MYO16: variants seen among roughly 807,000 people sequenced by gnomAD.
The protein encoded by MYO16 is myosin XVI, also known as unconventional myosin-XVI.
A neutral mutation model predicts 205.3 loss-of-function variants in MYO16; 94 were observed. The ratio of observed to expected loss-of-function variants is 0.46; its 90% CI spans 0.39 to 0.54. The LOEUF (loss-of-function observed/expected upper bound fraction) is 0.54. Among genes scored for constraint, MYO16 ranks in the 20% least tolerant of loss-of-function variants. The probability of loss-of-function intolerance (pLI) is 0.00; values close to 1 mark genes in which losing one functional copy is unlikely to be tolerated. For missense variants in MYO16, 2,315 were observed against 2,387.5 expected, an observed-to-expected ratio of 0.97 and a Z score of 0.63; for synonymous variants, 988 against 954.0, an observed-to-expected ratio of 1.04 and a Z score of -0.66.
intron 2 of MYO16, among the ~76,000 whole-genome samples, chr13:108,681,828 CT>C (rs1446097006): frequency 6.6e-6 from 1 of 152,202 alleles, no homozygotes; most frequent in Non-Finnish European, 1.5e-5. Flanking sequence ...TTCAGAGACT[CT>C]TTATCCGTAT....
chr13:108,717,821 A>G (rs1398114908), intron 3 of MYO16, among the ~76,000 whole-genome samples: 1 of 152,128 alleles, frequency 6.6e-6, no homozygotes, highest in Non-Finnish European at 1.5e-5. Flanking sequence ...ACAGTGACTC[A>G]GGTTGGGGAA....
rs1215565523 is a variant in MYO16 at position 109,105,499 on chromosome 13, A to C, written c.3438+4612A>C. Among the ~76,000 whole-genome samples, 3 of 152,196 alleles carry C rather than the reference A, an allele frequency of 2.0e-5. No individual in the cohort carries two copies. The East Asian group carries it at 5.8e-4, about 29-fold the overall frequency. On this transcript the variant is annotated intron_variant, in intron 28 of 34. Coordinates refer to ENST00000457511, the MANE Select transcript of MYO16 (RefSeq NM_001198950.3). ...AAACAAACAAACAAAAAACTTTTTA[A>C]AATTTATTGTTTTGAAATGAAATAA...
intron 1 of MYO16, among the ~76,000 whole-genome samples, chr13:108,608,836 G>C (rs1366320091): frequency 6.6e-6 from 1 of 152,030 alleles, no homozygotes; most frequent in Non-Finnish European, 1.5e-5. Context: ...TAAAGACAGG[G>C]TTTCACCATG....
chr13:109,136,859 C>T (rs1433563237), intron 31 of MYO16, among the ~76,000 whole-genome samples: 1 of 152,162 alleles, frequency 6.6e-6, no homozygotes, highest in Non-Finnish European at 1.5e-5. Flanking sequence ...AGCAGCAGTC[C>T]ACTTCCAGGT....
chr13:109,197,728 T>C (rs1474915432), intron 34 of MYO16, among the ~76,000 whole-genome samples: 2 of 152,218 alleles, frequency 1.3e-5, no homozygotes, highest in Non-Finnish European at 2.9e-5. Context: ...TAATTAAATG[T>C]ATAGACATAC....
the MYO16 span, among the ~76,000 whole-genome samples, chr13:108,509,632 G>A: frequency 6.6e-6 from 1 of 152,124 alleles, no homozygotes; most frequent in Non-Finnish European, 1.5e-5. Context: ...TTGCTCTGAT[G>A]ACTTTATTTT....
the MYO16 span, among the ~76,000 whole-genome samples, chr13:108,571,641 G>C: frequency 6.6e-6 from 1 of 151,922 alleles, no homozygotes; most frequent in Non-Finnish European, 1.5e-5. Flanking sequence ...AGGTCTTGTG[G>C]GTTCTCTGGC....
At chr13:109,194,583 G>A (rs990314491) in intron 34 of MYO16, among the ~76,000 whole-genome samples, 3 of 152,088 alleles carry the variant, frequency 2.0e-5, no homozygotes, top group Non-Finnish European at 2.9e-5. Context: ...ATTTTAATTC[G>A]GACGTACAAA....
In MYO16 at chr13:109,055,117, A is replaced by G; in HGVS notation, c.3120A>G (p.Ser1040=). 1 of 1,584,406 alleles carries G rather than the reference A, an allele frequency of 6.3e-7. No individual in the cohort carries two copies. Among genetic ancestry groups the G allele is most frequent in the Non-Finnish European group, 8.6e-7 (1 of 1,167,540 alleles). Residue 1040 remains serine, a synonymous_variant, in exon 26 of 35, where the codon TCA becomes TCG. Coordinates refer to ENST00000457511, the MANE Select transcript of MYO16 (RefSeq NM_001198950.3). The surrounding 1 kb of genome is among the most constrained non-coding windows in gnomAD (Gnocchi z 5.0). ...LERGDPVTIA[S]QLRKSLMDII... Reference sequence around the variant, plus strand: ...GAGGAGATCCAGTCACCATAGCATCACAACTCAGGGTTAGTGACGTTTTCA... The same window carrying G: ...GAGGAGATCCAGTCACCATAGCATCGCAACTCAGGGTTAGTGACGTTTTCA...
intron 34 of MYO16, among the ~76,000 whole-genome samples, chr13:109,198,701 C>G (rs1282391805): frequency 1.3e-5 from 2 of 152,148 alleles, no homozygotes; most frequent in African/African-American, 4.8e-5. Flanking sequence ...ACTGTAACAG[C>G]TCATATTTAA....
At chr13:108,554,251 A>G in the MYO16 span, among the ~76,000 whole-genome samples, 1 of 152,136 alleles carries the variant, frequency 6.6e-6, no homozygotes, top group African/African-American at 2.4e-5. Context: ...AAAAAAGAAA[A>G]AAAAAAAGGC....
intron 1 of MYO16, among the ~76,000 whole-genome samples, chr13:108,632,219 T>A (rs1452346881): frequency 6.6e-6 from 1 of 152,192 alleles, no homozygotes; most frequent in African/African-American, 2.4e-5. Context: ...TGGGCTGATC[T>A]GCTGGCGAGG....
At chr13:108,827,561 A>G (rs1876344525) in intron 9 of MYO16, among the ~76,000 whole-genome samples, 1 of 152,134 alleles carries the variant, frequency 6.6e-6, no homozygotes, top group South Asian at 2.1e-4. Context: ...AGTTTTCCCC[A>G]TGTTGCCTGA....
At chr13:108,738,431 A>G (rs1195018630) in intron 4 of MYO16, among the ~76,000 whole-genome samples, 1 of 152,056 alleles carries the variant, frequency 6.6e-6, no homozygotes, top group Non-Finnish European at 1.5e-5. Context: ...TTCAGTTTCC[A>G]TGTAGTTGAG....
chr13:108,693,226 A>G (rs1194870223), intron 2 of MYO16, among the ~76,000 whole-genome samples: 4 of 152,210 alleles, frequency 2.6e-5, no homozygotes, highest in Non-Finnish European at 5.9e-5. Context: ...TTATGGTGGT[A>G]AAAGACACCT....
At chr13:108,924,158 C>T (rs1025773256) in intron 16 of MYO16, among the ~76,000 whole-genome samples, 1 of 152,184 alleles carries the variant, frequency 6.6e-6, no homozygotes, top group African/African-American at 2.4e-5. Context: ...GAGTAGGATA[C>T]TTGGCCCTAT....
intron 32 of MYO16, 91 bp from the exon 33 acceptor site, chr13:109,164,810 T>A: frequency 1.6e-6 from 1 of 608,114 alleles, no homozygotes; most frequent in Non-Finnish European, 2.5e-6. Flanking sequence ...AATGTTTGAT[T>A]TGATGTTTTA....
chr13:108,543,487 A>G, the MYO16 span, among the ~76,000 whole-genome samples: 1 of 151,036 alleles, frequency 6.6e-6, no homozygotes, highest in Non-Finnish European at 1.5e-5. Flanking sequence ...TACAAAAAAT[A>G]AAAACTTAGC....
intron 4 of MYO16, among the ~76,000 whole-genome samples, chr13:108,753,370 C>CAAAAAAAAAAA (rs534466420): frequency 1.3e-4 from 14 of 111,774 alleles, no homozygotes; most frequent in African/African-American, 5.0e-4. Flanking sequence ...AACTCTGTGA[C>CAAAAAAAAAAA]AAAAAAAAAA....
Sources: gnomAD v4.1 joint callset for allele counts (sites outside exome capture counted in the v4.1 genomes callset) on GRCh38, gnomAD v4.1.1 for gene constraint, Gnocchi (gnomAD v3.1) non-coding constraint, MANE v1.5 for transcripts, NCBI Gene and HGNC (gene_info 2026-07-23, HGNC 2026-07-21) for gene names.